The following TTLL7 variants were observed in gnomAD, a reference collection of about 807,000 sequenced individuals.
The protein encoded by TTLL7 is tubulin tyrosine ligase like 7, also known as tubulin polyglutamylase TTLL7.
TTLL7 carries 53 observed loss-of-function variants against 120.2 expected under a neutral mutation model. The observed-to-expected ratio is 0.44, with a 90% CI of 0.35 to 0.55. TTLL7 has a LOEUF of 0.55. Ranked by LOEUF, TTLL7 falls within the 20% of genes least tolerant of loss-of-function variation. The pLI is 0.00. For synonymous variants in TTLL7, 353 were observed against 351.7 expected (o/e 1.00, Z -0.04); for missense variants, 803 against 1,054.7 (o/e 0.76, Z 3.31).
intron 8 of TTLL7, among the ~76,000 whole-genome samples, 198 bp from the exon 9 acceptor site, chr1:83,933,964 AG>A (rs1647192864): frequency 6.6e-6 from 1 of 152,096 alleles, no homozygotes; most frequent in South Asian, 2.1e-4. Flanking sequence ...GGGTTCCTCA[AG>A]TAAGTGACAC....
chr1:83,967,522 C>G (rs1650581280), intron 1 of TTLL7, among the ~76,000 whole-genome samples: 1 of 152,052 alleles, frequency 6.6e-6, no homozygotes, highest in Non-Finnish European at 1.5e-5. Context: ...TGCAGCTGCA[C>G]TGTGGTAGGG....
At chr1:83,989,299 T>A (rs541992843) in intron 1 of TTLL7, among the ~76,000 whole-genome samples, 3 of 152,324 alleles carry the variant, frequency 2.0e-5, no homozygotes, top group African/African-American at 7.2e-5. Context: ...AGGATTTTTA[T>A]AGTTTGAGGA....
At chr1:83,942,805 C>A in intron 6 of TTLL7, 126 bp from the exon 7 acceptor site, 1 of 648,720 alleles carries the variant, frequency 1.5e-6, no homozygotes, top group South Asian at 2.2e-5. Flanking sequence ...TCCACAAAAG[C>A]AATGAAGAGC....
chr1:83,933,161 G>A (rs1251600036), intron 9 of TTLL7, among the ~76,000 whole-genome samples: 2 of 152,002 alleles, frequency 1.3e-5, no homozygotes, highest in South Asian at 2.1e-4. Context: ...CTGGGGTATC[G>A]AATACTGAAT....
intron 5 of TTLL7, 139 bp downstream of exon 5, chr1:83,948,489 G>A: frequency 1.8e-6 from 1 of 564,436 alleles, no homozygotes; most frequent in East Asian, 3.0e-5. Context: ...GACCTTCTAA[G>A]ACCTCTCTAG....
chr1:83,912,028 C>G (rs930928376), intron 14 of TTLL7, among the ~76,000 whole-genome samples: 9 of 152,118 alleles, frequency 5.9e-5, no homozygotes, highest in Admixed American at 5.9e-4. Context: ...GTTAACTGTC[C>G]ATTTTCCAAA....
At chr1:83,953,334 A>G (rs1649233770) in intron 1 of TTLL7, among the ~76,000 whole-genome samples, 1 of 152,176 alleles carries the variant, frequency 6.6e-6, no homozygotes, top group African/African-American at 2.4e-5. Flanking sequence ...TATAAACACA[A>G]TGAAAAATAA....
chr1:83,902,792 C>T (rs553839356), intron 18 of TTLL7, among the ~76,000 whole-genome samples: 1 of 151,916 alleles, frequency 6.6e-6, no homozygotes, highest in African/African-American at 2.4e-5. Flanking sequence ...TCTTATACAA[C>T]TACACACTCA....
At chr1:83,899,894 C>T (rs1656574640) in intron 18 of TTLL7, among the ~76,000 whole-genome samples, 1 of 151,908 alleles carries the variant, frequency 6.6e-6, no homozygotes. Flanking sequence ...GAAGAGATTA[C>T]ATAAAAATAG....
intron 1 of TTLL7, among the ~76,000 whole-genome samples, chr1:83,990,864 A>T (rs1652930811): frequency 6.6e-6 from 1 of 152,240 alleles, no homozygotes. Context: ...GAAAAAAATT[A>T]ACAGCACAGT....
Position 83,890,326 on chromosome 1 carries a change from A to G in TTLL7, c.2364T>C (p.Asp788=). Reference sequence around the variant, plus strand: ...AAAGATGACTTAGAGCTTACCCTGAATCACAGAAACAGTTCCACAGCCCTT... The same window carrying G: ...AAAGATGACTTAGAGCTTACCCTGAGTCACAGAAACAGTTCCACAGCCCTT... ...RGQGLWNCFC[D]SGSSWESIFN... Residue 788 remains aspartate (D), a synonymous_variant, in exon 19 of 21, where the codon GAT becomes GAC. Coordinates refer to ENST00000260505, the MANE Select transcript of TTLL7 (RefSeq NM_024686.6). 7 of 1,611,048 alleles carry G rather than the reference A, an allele frequency of 4.3e-6. No homozygotes were observed. The highest frequency in any genetic ancestry group is 5.9e-6 in the Non-Finnish European group (7 of 1,178,848).
intron 20 of TTLL7, among the ~76,000 whole-genome samples, chr1:83,874,901 T>C (rs574207721): frequency 1.3e-5 from 2 of 152,132 alleles, no homozygotes; most frequent in South Asian, 4.1e-4. Flanking sequence ...TTATATATTA[T>C]GAACACTGGC....
intron 1 of TTLL7, 22 bp from the exon 2 acceptor site, chr1:83,952,409 GTCATT>G (rs1649142930): frequency 6.4e-6 from 3 of 467,324 alleles, no homozygotes; most frequent in Non-Finnish European, 1.1e-5. Flanking sequence ...TTAAAACAAG[GTCATT>G]TAGAAAAAAC....
At chr1:83,961,380 A>T (rs1034376148) in intron 1 of TTLL7, among the ~76,000 whole-genome samples, 9 of 152,250 alleles carry the variant, frequency 5.9e-5, no homozygotes, top group Admixed American at 4.6e-4. Flanking sequence ...AGCCATATGG[A>T]AAAAGGCAAA....
chr1:83,951,344 CAAA>C lies in TTLL7; in HGVS notation c.157+498_157+500del, dbSNP rs1317889708. On this transcript the variant is annotated intron_variant, in intron 3 of 20. Coordinates refer to ENST00000260505, the MANE Select transcript of TTLL7 (RefSeq NM_024686.6). ...AGCCTGGGCGACAGAAACTCCGCCT[CAAA>C]AAAAAAAAAAGAAGAAGGAATGTAA... is the stretch of plus-strand genomic sequence containing the variant. 1.2e-4 allele frequency among the ~76,000 whole-genome samples: 13 copies of C among 111,146 alleles called. No individual in the cohort carries two copies. In the East Asian group the frequency reaches 2.7e-3, roughly 23 times the overall value. The allele number at this position is 111,146 out of a possible 152,430, so 72.9% of individuals were successfully genotyped here. A position where few individuals can be genotyped will look rare whatever the true frequency, so the allele number is the denominator to read the frequency against.
intron 14 of TTLL7, among the ~76,000 whole-genome samples, chr1:83,914,540 C>T (rs1229689406): frequency 1.3e-5 from 2 of 152,018 alleles, no homozygotes; most frequent in African/African-American, 2.4e-5. Context: ...CCATGTTGGC[C>T]AGGATTGTCT....
At chr1:83,983,250 G>A (rs1652140344) in intron 1 of TTLL7, among the ~76,000 whole-genome samples, 1 of 152,128 alleles carries the variant, frequency 6.6e-6, no homozygotes, top group African/African-American at 2.4e-5. Flanking sequence ...AGAATCCCTT[G>A]AACCCAGGAG....
chr1:83,997,687 C>T (rs943090057), intron 1 of TTLL7, among the ~76,000 whole-genome samples: 1 of 152,156 alleles, frequency 6.6e-6, no homozygotes, highest in East Asian at 1.9e-4. Flanking sequence ...TCACCTGTCA[C>T]CCTATTGTGG....
chr1:83,920,005 G>A (rs183871172), intron 12 of TTLL7, among the ~76,000 whole-genome samples, 171 bp from the exon 13 acceptor site: 4 of 152,194 alleles, frequency 2.6e-5, no homozygotes, highest in Non-Finnish European at 4.4e-5. Flanking sequence ...TAAACCTCCA[G>A]ACAGAAAACT....
Sources: allele counts gnomAD v4.1 joint callset (sites outside exome capture counted in the v4.1 genomes callset), GRCh38; gene constraint gnomAD v4.1.1; transcripts MANE v1.5; gene names NCBI Gene and HGNC (gene_info 2026-07-23, HGNC 2026-07-21).